Variants in SPOCK1 observed in about 807,000 individuals in gnomAD.
SPOCK1 encodes the protein SPARC (osteonectin), cwcv and kazal like domains proteoglycan 1.
SPOCK1 carries 23 observed loss-of-function variants against 55.3 expected under a neutral mutation model. The ratio of observed to expected loss-of-function variants is 0.42; its 90% confidence interval spans 0.30 to 0.59. The LOEUF (loss-of-function observed/expected upper bound fraction) is 0.59, where lower values mean the gene tolerates loss of function less well. SPOCK1 is among the 20% of genes least tolerant of loss of function. The pLI, the probability that SPOCK1 is intolerant of heterozygous loss-of-function variation, is 0.22. For synonymous variants in SPOCK1, 226 were observed against 221.0 expected, an observed-to-expected ratio of 1.02 and a Z score of -0.20; for missense variants, 499 against 552.5, an observed-to-expected ratio of 0.90 and a Z score of 0.97.
chr5:137,429,924 G>T (rs570662904), intron 2 of SPOCK1, among the ~76,000 whole-genome samples: 6 of 152,188 alleles, frequency 3.9e-5, no homozygotes, highest in Non-Finnish European at 8.8e-5. Flanking sequence ...TGTAGAATCT[G>T]GCCTGAGTGG....
intron 3 of SPOCK1, among the ~76,000 whole-genome samples, chr5:137,247,275 T>C (rs1181508811): frequency 6.6e-6 from 1 of 151,832 alleles, no homozygotes; most frequent in African/African-American, 2.4e-5. Flanking sequence ...AGCAGCAAGC[T>C]CAGTTCTTGC....
intron 2 of SPOCK1, among the ~76,000 whole-genome samples, chr5:137,481,612 T>G (rs1166083864): frequency 6.6e-6 from 1 of 152,214 alleles, no homozygotes; most frequent in African/African-American, 2.4e-5. Context: ...GGGAAGGGAA[T>G]GGAGGAGAAA....
chr5:137,063,239 CAAAAA>C (rs34720226), intron 6 of SPOCK1, among the ~76,000 whole-genome samples: 1 of 100,274 alleles, frequency 1.0e-5, no homozygotes. Context: ...GACTCCATCT[CAAAAA>C]AAAAAAAAAA....
intron 3 of SPOCK1, among the ~76,000 whole-genome samples, chr5:137,219,540 T>C (rs1429428213): frequency 6.6e-6 from 1 of 152,324 alleles, no homozygotes; most frequent in South Asian, 2.1e-4. Context: ...CAATTAAGAA[T>C]CATGCCTTTT....
At chr5:137,196,341 C>T (rs2127073332) in intron 3 of SPOCK1, among the ~76,000 whole-genome samples, 1 of 152,316 alleles carries the variant, frequency 6.6e-6, no homozygotes, top group African/African-American at 2.4e-5. Flanking sequence ...TAGCCCTCTG[C>T]ATCTGCCTGA....
At position 137,388,099 on chromosome 5, in the gene SPOCK1, G is replaced by A. The variant is rs1751634948; in HGVS notation, c.186+110274C>T. Among the ~76,000 whole-genome samples the A allele has an allele frequency of 2.6e-5, 4 of 152,068 alleles. No individual in the cohort carries two copies. In the South Asian group the frequency reaches 8.3e-4, roughly 31 times the overall value. On this transcript the variant is annotated intron_variant, in intron 2 of 10. Coordinates refer to ENST00000394945, the MANE Select transcript of SPOCK1 (RefSeq NM_004598.4). ...GGTCAATTAAAAGTGCATTTAAAGG[G>A]AAAAATAGGAACAGTTATACCAAAA...
intron 9 of SPOCK1, among the ~76,000 whole-genome samples, chr5:136,984,775 G>A (rs1301007935): frequency 1.3e-5 from 2 of 152,220 alleles, no homozygotes; most frequent in East Asian, 1.9e-4. Flanking sequence ...TCCGGGGAAT[G>A]GAGGAAATGC....
chr5:137,322,723 A>G (rs891189686), intron 2 of SPOCK1, among the ~76,000 whole-genome samples: 1 of 152,168 alleles, frequency 6.6e-6, no homozygotes, highest in Admixed American at 6.5e-5. Flanking sequence ...AAAAAAAATC[A>G]AAAGAGGAAA....
intron 2 of SPOCK1, among the ~76,000 whole-genome samples, chr5:137,279,079 G>A (rs577045510): frequency 9.3e-4 from 141 of 152,172 alleles, no homozygotes; most frequent in African/African-American, 2.9e-3. Flanking sequence ...CTCAATGCCC[G>A]ATGACACATC....
chr5:136,975,408 C>T lies in SPOCK1; in HGVS notation c.*3246G>A, dbSNP rs1361759206. On this transcript the variant is annotated 3_prime_UTR_variant, in exon 11 of 11. Transcript: ENST00000394945. ...TGTGTTCACATTCCAGATAAGTCTA[C>T]GTGGAAAAGCATTCAGAATTTACTA... is the stretch of plus-strand genomic sequence containing the variant. 2.6e-5 allele frequency: 4 copies of T among 152,602 alleles called. No individual in the cohort carries two copies. The highest frequency in any genetic ancestry group is 4.4e-5 in the Non-Finnish European group (3 of 68,038). 9.5% of individuals were successfully genotyped at this position (152,602 alleles called of 1,614,324 possible).
At chr5:137,285,672 T>A (rs1757250389) in intron 2 of SPOCK1, among the ~76,000 whole-genome samples, 1 of 152,244 alleles carries the variant, frequency 6.6e-6, no homozygotes, top group African/African-American at 2.4e-5. Context: ...AACATGGAGC[T>A]GCCATGGCAT....
At chr5:137,224,957 C>T (rs1755918678) in intron 3 of SPOCK1, among the ~76,000 whole-genome samples, 1 of 152,086 alleles carries the variant, frequency 6.6e-6, no homozygotes, top group South Asian at 2.1e-4. Context: ...TGTAAAATAG[C>T]TCACTTCATT....
At chr5:137,138,151 G>C (rs1261697054) in intron 4 of SPOCK1, among the ~76,000 whole-genome samples, 1 of 152,168 alleles carries the variant, frequency 6.6e-6, no homozygotes, top group Non-Finnish European at 1.5e-5. Flanking sequence ...AACTTGCCAA[G>C]GCCACTTGGA....
At chr5:137,217,622 A>T (rs1755743500) in intron 3 of SPOCK1, among the ~76,000 whole-genome samples, 1 of 152,218 alleles carries the variant, frequency 6.6e-6, no homozygotes, top group Non-Finnish European at 1.5e-5. Context: ...GAAATAAAAA[A>T]CTGCTTGGCA....
intron 5 of SPOCK1, among the ~76,000 whole-genome samples, chr5:137,088,746 G>A (rs776710415): frequency 2.0e-5 from 3 of 152,118 alleles, no homozygotes; most frequent in African/African-American, 4.8e-5. Flanking sequence ...ATACCACATC[G>A]GTCACAATCC....
chr5:137,156,155 G>T (rs756915846), intron 3 of SPOCK1, among the ~76,000 whole-genome samples: 2 of 151,028 alleles, frequency 1.3e-5, no homozygotes, highest in South Asian at 2.1e-4. Flanking sequence ...GGGGGAGCAG[G>T]GTAAGTGCCT....
intron 3 of SPOCK1, among the ~76,000 whole-genome samples, chr5:137,175,970 T>C (rs1432036172): frequency 1.6e-4 from 24 of 152,196 alleles, no homozygotes; most frequent in Admixed American, 1.6e-3. Flanking sequence ...GCAGGAGGCT[T>C]GCACTGCCCA....
chr5:137,409,343 A>C (rs1752163779), intron 2 of SPOCK1, among the ~76,000 whole-genome samples: 1 of 152,196 alleles, frequency 6.6e-6, no homozygotes, highest in Non-Finnish European at 1.5e-5. Context: ...GGGTTTGGGG[A>C]ATCGCAGATC....
chr5:137,338,596 T>C (rs1750341446), intron 2 of SPOCK1, among the ~76,000 whole-genome samples: 1 of 152,088 alleles, frequency 6.6e-6, no homozygotes, highest in South Asian at 2.1e-4. Flanking sequence ...ATCGCCACAC[T>C]GACTTCCACA....
Sources: allele counts gnomAD v4.1 joint callset (sites outside exome capture counted in the v4.1 genomes callset), GRCh38; gene constraint gnomAD v4.1.1; transcripts MANE v1.5; gene names NCBI Gene and HGNC (gene_info 2026-07-23, HGNC 2026-07-21).